The following FZD3 variants were observed in gnomAD, a reference collection of about 807,000 sequenced individuals.
The protein encoded by FZD3 is frizzled-3.
In FZD3, 30 loss-of-function variants were observed where a neutral mutation model predicts 60.7. The ratio of observed to expected loss-of-function variants is 0.49; its 90% CI spans 0.37 to 0.67. FZD3 has a LOEUF of 0.67. Among genes scored for constraint, FZD3 ranks in the 30% least tolerant of loss-of-function variants. The probability of loss-of-function intolerance (pLI) is 0.00; values close to 1 mark genes in which losing one functional copy is unlikely to be tolerated. For missense variants in FZD3, 605 were observed against 838.7 expected, an observed-to-expected ratio of 0.72 and a Z score of 3.44; for synonymous variants, 246 against 275.2, an observed-to-expected ratio of 0.89 and a Z score of 1.05.
At chr8:28,515,815 A>C (rs901707458) in intron 3 of FZD3, among the ~76,000 whole-genome samples, 17 of 152,154 alleles carry the variant, frequency 1.1e-4, no homozygotes, top group African/African-American at 3.6e-4. Context: ...TATTTTAGAG[A>C]GGCTTGAACA....
intron 7 of FZD3, among the ~76,000 whole-genome samples, chr8:28,558,367 C>G (rs1188898019): frequency 6.6e-6 from 1 of 152,052 alleles, no homozygotes; most frequent in Non-Finnish European, 1.5e-5. Context: ...AGTCATCACC[C>G]TCCATGAACC....
intron 3 of FZD3, among the ~76,000 whole-genome samples, chr8:28,507,538 G>A (rs575066440): frequency 6.6e-5 from 10 of 152,232 alleles, no homozygotes; most frequent in African/African-American, 2.4e-4. Context: ...AGTTTTGTTA[G>A]GGGTTTGCAA....
chr8:28,510,616 A>G (rs1046270868), intron 3 of FZD3, among the ~76,000 whole-genome samples: 1 of 152,258 alleles, frequency 6.6e-6, no homozygotes, highest in Admixed American at 6.5e-5. Context: ...AAATTCAGAG[A>G]CAAAGCAGTT....
chr8:28,547,674 A>G (rs1805325826), intron 5 of FZD3, among the ~76,000 whole-genome samples: 2 of 152,062 alleles, frequency 1.3e-5, no homozygotes, highest in African/African-American at 2.4e-5. Flanking sequence ...TATTTCGCCT[A>G]TTTTTCTTCG....
In FZD3 at chr8:28,570,928, C is replaced by T. The variant is rs1805796276; in HGVS notation, c.*7917C>T. ...TTATTCCTTGTCTTATGTCATTTCA[C>T]TGGATCATGTAACTGTCCTGGCTTT... is the stretch of plus-strand genomic sequence containing the variant. On this transcript the variant is annotated 3_prime_UTR_variant, in exon 8 of 8. Coordinates refer to ENST00000240093, the MANE Select transcript of FZD3 (RefSeq NM_017412.4). 1 of 151,054 alleles carries T rather than the reference C, an allele frequency of 6.6e-6. No individual in the cohort carries two copies. Among genetic ancestry groups the T allele is most frequent in the African/African-American group, 2.4e-5 (1 of 41,112 alleles). 9.4% of individuals were successfully genotyped at this position (151,054 alleles called of 1,614,324 possible).
chr8:28,547,819 A>C (rs1457438842), intron 5 of FZD3, among the ~76,000 whole-genome samples: 1 of 150,460 alleles, frequency 6.6e-6, no homozygotes, highest in Non-Finnish European at 1.5e-5. Flanking sequence ...AGTTATGGCC[A>C]TGCAGAAATG....
At chr8:28,506,184 G>A (rs1414860812) in intron 3 of FZD3, among the ~76,000 whole-genome samples, 1 of 152,162 alleles carries the variant, frequency 6.6e-6, no homozygotes, top group Non-Finnish European at 1.5e-5. Flanking sequence ...TACGACTCTA[G>A]TGGTAATAAA....
intron 1 of FZD3, among the ~76,000 whole-genome samples, chr8:28,496,768 G>A (rs1803855372): frequency 6.6e-6 from 1 of 152,126 alleles, no homozygotes; most frequent in South Asian, 2.1e-4. Flanking sequence ...TATATTCAAG[G>A]AGTGTATTGC....
intron 7 of FZD3, among the ~76,000 whole-genome samples, chr8:28,562,218 A>C (rs1467958740): frequency 6.6e-6 from 1 of 152,180 alleles, no homozygotes; most frequent in East Asian, 1.9e-4. Context: ...AATTAAGATA[A>C]TTTACAGGTA....
intron 5 of FZD3, among the ~76,000 whole-genome samples, chr8:28,543,395 T>G (rs1209560741): frequency 6.6e-6 from 1 of 152,276 alleles, no homozygotes; most frequent in East Asian, 1.9e-4. Flanking sequence ...TTTGTTTTTT[T>G]TTTGAGATGG....
At position 28,555,778 on chromosome 8, in the gene FZD3, T is replaced by G; in HGVS notation, c.1594T>G (p.Phe532Val). 1 of 1,613,684 alleles carries G rather than the reference T, an allele frequency of 6.2e-7. No individual in the cohort carries two copies. The highest frequency in any genetic ancestry group is 8.5e-7 in the Non-Finnish European group (1 of 1,179,560). Residue 532 changes from phenylalanine (F) to valine (V), a missense_variant, in exon 7 of 8, where the codon TTT becomes GTT. Physicochemically the swap from Phe to Val is conservative, Grantham distance 50. Transcript: ENST00000240093. Reference sequence around the variant, plus strand: ...CCGACAGGTACTCCAGGAACCTGATTTTGCTCAGTCTCTCCTGAGGGATCC... The same window carrying G: ...CCGACAGGTACTCCAGGAACCTGATGTTGCTCAGTCTCTCCTGAGGGATCC... ...ESRQVLQEPD[F>V]AQSLLRDPNT...
At position 28,562,985 on chromosome 8, in the gene FZD3, A is replaced by G; in HGVS notation, c.1975A>G (p.Ile659Val). The stretch of plus-strand genomic sequence containing the variant: ...ACATGGCACCAGCATGAATCGGGTT[A>G]TTGAAGAAGATGGAACCAGTGCTTA... Reference protein sequence around the residue: ...ITHGTSMNRVIEEDGTSA With the variant: ...ITHGTSMNRVVEEDGTSA The change falls in exon 8 of 8, where the codon ATT becomes GTT. Residue 659 changes from isoleucine (I) to valine (V), a missense_variant. By Grantham distance (29) the Ile-to-Val change is conservative (BLOSUM62 3). Transcript: ENST00000240093. The G allele has an allele frequency of 6.8e-6, 11 of 1,612,400 alleles. No individual in the cohort carries two copies. Among genetic ancestry groups the G allele is most frequent in the Non-Finnish European group, 9.3e-6 (11 of 1,178,396 alleles).
chr8:28,552,253 T>C (rs1054830091), intron 6 of FZD3, among the ~76,000 whole-genome samples: 2 of 152,184 alleles, frequency 1.3e-5, no homozygotes, highest in African/African-American at 4.8e-5. Flanking sequence ...AAAAGTGATA[T>C]AAAGAAATAC....
intron 6 of FZD3, among the ~76,000 whole-genome samples, chr8:28,553,119 C>T (rs1805443887): frequency 6.6e-6 from 1 of 152,138 alleles, no homozygotes; most frequent in Non-Finnish European, 1.5e-5. Context: ...GTATACATTT[C>T]TTATTGTGAT....
intron 3 of FZD3, among the ~76,000 whole-genome samples, chr8:28,508,678 TTTTGTTTGTTTG>T (rs147155384): frequency 5.9e-5 from 9 of 151,442 alleles, no homozygotes; most frequent in East Asian, 1.9e-4. Context: ...TTTTTGTGTT[TTTTGTTTGTTTG>T]TTTGTTTGTT....
intron 5 of FZD3, among the ~76,000 whole-genome samples, chr8:28,540,961 C>A (rs899654864): frequency 5.9e-5 from 9 of 152,244 alleles, no homozygotes; most frequent in African/African-American, 2.2e-4. Context: ...AAATAAAATT[C>A]AGTTTATTAT....
intron 4 of FZD3, among the ~76,000 whole-genome samples, chr8:28,523,598 TAA>T (rs767039843): frequency 8.6e-5 from 12 of 139,902 alleles, no homozygotes; most frequent in Admixed American, 2.1e-4. Flanking sequence ...TCCAGCTAAT[TAA>T]AAAAAAAAAA....
intron 7 of FZD3, among the ~76,000 whole-genome samples, chr8:28,557,546 G>A (rs1391188125): frequency 1.3e-5 from 2 of 152,112 alleles, no homozygotes; most frequent in Non-Finnish European, 2.9e-5. Context: ...GCTACCCTGT[G>A]TTTAAAAGAG....
chr8:28,495,322 T>A (rs1413144073), intron 1 of FZD3, among the ~76,000 whole-genome samples: 1 of 152,072 alleles, frequency 6.6e-6, no homozygotes, highest in African/African-American at 2.4e-5. Flanking sequence ...CTCTTTGAAT[T>A]TTGGTTCCCG....
Sources: gnomAD v4.1 joint callset for allele counts (sites outside exome capture counted in the v4.1 genomes callset) on GRCh38, gnomAD v4.1.1 for gene constraint, MANE v1.5 for transcripts, NCBI Gene and HGNC (gene_info 2026-07-23, HGNC 2026-07-21) for gene names.